CHD1L: variants seen among roughly 807,000 people sequenced by gnomAD.
CHD1L encodes the protein ATP-dependent chromatin remodeler CHD1L.
A neutral mutation model predicts 115.9 loss-of-function variants in CHD1L; 118 were observed. The observed-to-expected ratio is 1.02, with a 90% CI of 0.88 to 1.19. CHD1L has a LOEUF of 1.19. Among genes scored for constraint, CHD1L ranks in the 50% most tolerant of loss-of-function variants. The pLI is 0.00. For missense variants in CHD1L, 1,179 were observed against 1,065.3 expected, an observed-to-expected ratio of 1.11 and a Z score of -1.49; for synonymous variants, 411 against 387.1, an observed-to-expected ratio of 1.06 and a Z score of -0.72.
chr1:147,283,862 G>A (rs587611644), intron 15 of CHD1L, among the ~76,000 whole-genome samples: 83 of 152,262 alleles, frequency 5.5e-4, no homozygotes, highest in African/African-American at 1.9e-3. Flanking sequence ...CAGGATTGTG[G>A]TGAGGATCAT....
the CHD1L span, among the ~76,000 whole-genome samples, chr1:147,181,352 G>A: frequency 6.6e-6 from 1 of 152,158 alleles, no homozygotes; most frequent in African/African-American, 2.4e-5. Context: ...TTTCTTCTGG[G>A]AGTCTGGAAT....
the CHD1L span, chr1:147,223,845 G>C: frequency 1.0e-5 from 3 of 299,570 alleles, no homozygotes; most frequent in South Asian, 6.1e-5. Context: ...CTGCTTACGC[G>C]GGCCCACAAG....
At chr1:147,262,153 G>C (rs1220496344) in intron 6 of CHD1L, among the ~76,000 whole-genome samples, 1 of 142,802 alleles carries the variant, frequency 7.0e-6, no homozygotes, top group African/African-American at 2.6e-5. Flanking sequence ...CCGAGATTGC[G>C]CCACTGCACT....
chr1:147,233,315 C>T, the CHD1L span, among the ~76,000 whole-genome samples: 2,485 of 151,150 alleles, frequency 0.016, 74 homozygotes, highest in African/African-American at 0.058. Context: ...GCCACCCCAT[C>T]CAGGAGGGAG....
At chr1:147,208,991 G>A in the CHD1L span, 1 of 1,613,884 alleles carries the variant, frequency 6.2e-7, no homozygotes, top group African/African-American at 1.3e-5. Flanking sequence ...ACATCAGCAG[G>A]ATATCCGTAG....
intron 17 of CHD1L, 40 bp from the exon 18 acceptor site, chr1:147,286,258 T>C (rs782649110): frequency 2.1e-5 from 34 of 1,587,784 alleles, no homozygotes; most frequent in South Asian, 1.7e-4. Context: ...GAAATTGTGA[T>C]TGTCTGGGTT....
In CHD1L at chr1:147,276,265, A is replaced by G. The variant is rs1192028135; in HGVS notation, c.1539+8A>G. 6.2e-7 allele frequency: 1 copy of G among 1,614,032 alleles called. No homozygotes were observed. Among genetic ancestry groups the G allele is most frequent in the Non-Finnish European group, 8.5e-7 (1 of 1,179,934 alleles). On this transcript the variant is annotated splice_region_variant and intron_variant, in intron 14 of 22. Coordinates refer to ENST00000369258, the MANE Select transcript of CHD1L (RefSeq NM_004284.6). ...GCCGATGCTGACCTCCAGGTATGAT[A>G]TGATATACTGTTCTTCACTTTGGAA...
chr1:147,253,987 A>C (rs1343414935), intron 2 of CHD1L, among the ~76,000 whole-genome samples: 1 of 152,182 alleles, frequency 6.6e-6, no homozygotes, highest in Non-Finnish European at 1.5e-5. Flanking sequence ...TGTGCTGTTT[A>C]ATCTTGATAG....
the CHD1L span, chr1:147,179,322 C>A: frequency 1.2e-6 from 2 of 1,606,786 alleles, no homozygotes; most frequent in Non-Finnish European, 1.7e-6. Context: ...AATTTTATGC[C>A]CCTTGGTGTG....
At chr1:147,284,674 AAGTC>A (rs1440275053) in intron 16 of CHD1L, among the ~76,000 whole-genome samples, 175 bp downstream of exon 16, 2 of 152,230 alleles carry the variant, frequency 1.3e-5, no homozygotes, top group Non-Finnish European at 2.9e-5. Flanking sequence ...CTATGTAAAA[AAGTC>A]AGCATGAAAA....
chr1:147,184,201 G>A, the CHD1L span: 1 of 184,686 alleles, frequency 5.4e-6, no homozygotes, highest in Non-Finnish European at 1.1e-5. This position sits in a 1 kb window ranked among gnomAD's most constrained non-coding sequence, Gnocchi z 4.4. Flanking sequence ...GTCAAATCCT[G>A]AGCCAAAAAA....
At chr1:147,246,803 T>C (rs1404195624) in intron 1 of CHD1L, among the ~76,000 whole-genome samples, 2 of 152,182 alleles carry the variant, frequency 1.3e-5, no homozygotes, top group African/African-American at 4.8e-5. Flanking sequence ...TTCTCAGATA[T>C]ATGTCTTACA....
chr1:147,227,951 G>A, the CHD1L span, among the ~76,000 whole-genome samples: 13 of 151,028 alleles, frequency 8.6e-5, no homozygotes, highest in African/African-American at 2.7e-4. Context: ...TCACTCTGTC[G>A]CCCAGGCTGG....
the CHD1L span, chr1:147,201,140 A>G: frequency 6.4e-7 from 1 of 1,574,608 alleles, no homozygotes; most frequent in Non-Finnish European, 8.7e-7. Context: ...GTCTATTTGC[A>G]TGGTCACTTA....
chr1:147,224,783 T>G, the CHD1L span: 1 of 982,400 alleles, frequency 1.0e-6, no homozygotes, highest in East Asian at 2.4e-5. Context: ...GTGCTAGGAT[T>G]ACAGGCGTGT....
the CHD1L span, among the ~76,000 whole-genome samples, chr1:147,216,581 T>C: frequency 1.3e-5 from 2 of 152,142 alleles, no homozygotes; most frequent in East Asian, 1.9e-4. Flanking sequence ...TTTAAAAAAA[T>C]ATTCAGCATC....
At chr1:147,225,066 CCTA>C in the CHD1L span, 15 of 1,613,426 alleles carry the variant, frequency 9.3e-6, 1 homozygote, top group East Asian at 3.3e-4. Flanking sequence ...TGTCGCCTGT[CCTA>C]AAGAAAGGAT....
At chr1:147,234,374 G>A in the CHD1L span, among the ~76,000 whole-genome samples, 1 of 152,166 alleles carries the variant, frequency 6.6e-6, no homozygotes, top group Non-Finnish European at 1.5e-5. Context: ...TTCTATGCCT[G>A]CTATGTGCTA....
In CHD1L at chr1:147,285,389, G is replaced by A. The variant is rs1682660936; in HGVS notation, c.1920G>A (p.Leu640=). The A allele has an allele frequency of 6.2e-7, 1 of 1,614,050 alleles. No homozygotes were observed. The highest frequency in any genetic ancestry group is 1.1e-5 in the South Asian group (1 of 91,076). Residue 640 remains leucine, a synonymous_variant, in exon 17 of 23, where the codon CTG becomes CTA. Coordinates refer to ENST00000369258, the MANE Select transcript of CHD1L (RefSeq NM_004284.6). ...KRKRVLSPEE[L]EDRQKKRQEA... is the part of the protein sequence containing the mutation. ...AGCGGGTTCTGAGTCCAGAAGAGCT[G>A]GAGGACAGACAGAAGAAAAGACAAG...
Sources: allele counts gnomAD v4.1 joint callset (sites outside exome capture counted in the v4.1 genomes callset), GRCh38; gene constraint gnomAD v4.1.1; non-coding constraint Gnocchi (gnomAD v3.1); transcripts MANE v1.5; gene names NCBI Gene and HGNC (gene_info 2026-07-23, HGNC 2026-07-21).